Variants in APLP2 observed in about 807,000 individuals in gnomAD.
APLP2 encodes CDEI box-binding protein.
A neutral mutation model predicts 89.9 loss-of-function variants in APLP2; 53 were observed. The ratio of observed to expected loss-of-function variants is 0.59; its 90% CI spans 0.47 to 0.74. The LOEUF (loss-of-function observed/expected upper bound fraction) is 0.74, where lower values mean the gene tolerates loss of function less well. APLP2 is among the 30% of genes least tolerant of loss of function. APLP2 has a pLI of 0.00. For missense variants in APLP2, 973 were observed against 975.9 expected (o/e 1.00, Z 0.04); for synonymous variants, 372 against 348.6 (o/e 1.07, Z -0.75).
intron 1 of APLP2, among the ~76,000 whole-genome samples, chr11:130,099,957 G>A (rs765162184): frequency 2.0e-5 from 3 of 152,198 alleles, no homozygotes; most frequent in African/African-American, 4.8e-5. Context: ...GGCCTGAGCC[G>A]TCGGTATGTT....
At chr11:130,081,982 C>A (rs951327533) in intron 1 of APLP2, among the ~76,000 whole-genome samples, 1 of 152,252 alleles carries the variant, frequency 6.6e-6, no homozygotes, top group East Asian at 1.9e-4. Context: ...TCATTATTAG[C>A]AAACATTTAT....
intron 6 of APLP2, 86 bp downstream of exon 6, chr11:130,122,599 A>G: frequency 6.4e-7 from 1 of 1,565,584 alleles, no homozygotes; most frequent in Non-Finnish European, 8.7e-7. Context: ...CAGGTAAGTC[A>G]GTCACAGAAG....
intron 1 of APLP2, chr11:130,101,262 G>A (rs11221958): frequency 0.1 from 15,379 of 152,344 alleles, 1,181 homozygotes; most frequent in African/African-American, 0.21. Flanking sequence ...TGCAAGCTCC[G>A]CCTCCTGGTG....
chr11:130,123,832 C>CG lies in APLP2; in HGVS notation c.1090+53_1090+54insG. The CG allele has an allele frequency of 6.3e-7, 1 of 1,588,684 alleles. No individual in the cohort carries two copies. Among genetic ancestry groups the CG allele is most frequent in the Non-Finnish European group, 8.6e-7 (1 of 1,164,076 alleles). Reference sequence around the variant, plus strand: ...GCGGCAGCACCGTCCTGTCTGGCGTCCGTCTCCCTGCCGTCTTCGTGGCTG... The same window carrying CG: ...GCGGCAGCACCGTCCTGTCTGGCGTCGCGTCTCCCTGCCGTCTTCGTGGCTG... On this transcript the variant is annotated intron_variant, in intron 7 of 16. Coordinates refer to ENST00000338167, the MANE Select transcript of APLP2 (RefSeq NM_001142276.2). This position sits in a 1 kb window ranked among gnomAD's most constrained non-coding sequence, Gnocchi z 4.0.
intron 13 of APLP2, chr11:130,137,333 C>G: frequency 6.4e-7 from 1 of 1,551,658 alleles, no homozygotes; most frequent in Non-Finnish European, 8.9e-7. Context: ...CTTCATTCCT[C>G]TCCACTCCCT....
At chr11:130,133,125 CTT>C (rs757444184) in intron 11 of APLP2, among the ~76,000 whole-genome samples, 36 of 141,000 alleles carry the variant, frequency 2.6e-4, no homozygotes, top group Middle Eastern at 3.7e-3. Context: ...ATTATACAGT[CTT>C]TTTTTTTTTT....
intron 1 of APLP2, among the ~76,000 whole-genome samples, chr11:130,085,023 T>C (rs1943890356): frequency 6.6e-6 from 1 of 152,180 alleles, no homozygotes; most frequent in Non-Finnish European, 1.5e-5. Flanking sequence ...AGCAGTTGTA[T>C]GCCAAAAAAT....
chr11:130,098,103 A>G (rs1276450266), intron 1 of APLP2, among the ~76,000 whole-genome samples: 1 of 152,148 alleles, frequency 6.6e-6, no homozygotes, highest in East Asian at 1.9e-4. Flanking sequence ...AAATCATCAT[A>G]TATATTAAAA....
chr11:130,123,589 A>G lies in APLP2; in HGVS notation c.923-23A>G, dbSNP rs778749333. On this transcript the variant is annotated intron_variant, in intron 6 of 16. Coordinates refer to ENST00000338167, the MANE Select transcript of APLP2 (RefSeq NM_001142276.2). The surrounding 1 kb of genome is among the most constrained non-coding windows in gnomAD (Gnocchi z 4.0). ...TGACGTCACTGCCTCTGTCCTGCTGACACTCTGACCATTTTCACACAGCTG... is the reference window on the plus strand; with the variant it reads ...TGACGTCACTGCCTCTGTCCTGCTGGCACTCTGACCATTTTCACACAGCTG... 6.2e-7 allele frequency: 1 copy of G among 1,607,078 alleles called. No homozygotes were observed. The highest frequency in any genetic ancestry group is 1.3e-5 in the African/African-American group (1 of 74,762).
rs200921306 is a variant in APLP2, at chr11:130,129,991, T to C, written c.1456-47T>C. The C allele has an allele frequency of 1.5e-4, 243 of 1,591,230 alleles. 1 individual carries two copies. The highest frequency in any genetic ancestry group is 1.5e-3 in the Middle Eastern group (9 of 6,010). On this transcript the variant is annotated intron_variant, in intron 10 of 16. Coordinates refer to ENST00000338167, the MANE Select transcript of APLP2 (RefSeq NM_001142276.2). ...TAAGCTTTTGTTTTCCTGCCTATTT[T>C]CAATTCTCTAGTCTCTGGATATTAA...
intron 1 of APLP2, among the ~76,000 whole-genome samples, chr11:130,095,742 CT>C (rs1334814752): frequency 2.6e-5 from 4 of 152,198 alleles, no homozygotes; most frequent in African/African-American, 9.7e-5. Flanking sequence ...AATTTGTCAA[CT>C]TTTAGTAGGT....
intron 1 of APLP2, among the ~76,000 whole-genome samples, chr11:130,083,223 A>G (rs886704301): frequency 4.0e-5 from 6 of 151,402 alleles, no homozygotes; most frequent in Non-Finnish European, 7.4e-5. Flanking sequence ...TTTTTTGTGG[A>G]GATGGGGACT....
intron 16 of APLP2, 127 bp downstream of exon 16, chr11:130,142,201 T>TC: frequency 9.2e-7 from 1 of 1,081,724 alleles, no homozygotes; most frequent in Non-Finnish European, 1.2e-6. Context: ...GTTCAGTTAC[T>TC]CACTGGATTC....
intron 1 of APLP2, among the ~76,000 whole-genome samples, chr11:130,107,190 G>C (rs1051778163): frequency 2.0e-5 from 3 of 152,132 alleles, no homozygotes; most frequent in Admixed American, 2.0e-4. Context: ...ATTTTCTTTT[G>C]TGGGTAAATT....
chr11:130,140,370 A>C, intron 13 of APLP2, 28 bp from the exon 14 acceptor site: 1 of 1,570,040 alleles, frequency 6.4e-7, no homozygotes, highest in Non-Finnish European at 8.6e-7. Flanking sequence ...CATCCTTGGG[A>C]ACTCAGCCAT....
chr11:130,103,393 C>T (rs550796886), intron 1 of APLP2, among the ~76,000 whole-genome samples: 32 of 151,960 alleles, frequency 2.1e-4, no homozygotes, highest in Non-Finnish European at 7.4e-5. Context: ...GGATTGATTC[C>T]AGTTTCTCTG....
Position 130,069,905 on chromosome 11 carries a change from G to A in APLP2, c.-73G>A. 4 of 1,169,428 alleles carry A rather than the reference G, an allele frequency of 3.4e-6. No individual in the cohort carries two copies. Among genetic ancestry groups the A allele is most frequent in the Non-Finnish European group, 4.8e-6 (4 of 837,712 alleles). 72.4% of individuals were successfully genotyped at this position (1,169,428 alleles called of 1,614,324 possible). A position where few individuals can be genotyped will look rare whatever the true frequency, so the allele number is the denominator to read the frequency against. On this transcript the variant is annotated 5_prime_UTR_variant, in exon 1 of 17. Coordinates refer to ENST00000338167, the MANE Select transcript of APLP2 (RefSeq NM_001142276.2). ...GGCGAACTGGCTTTAGATGCTTCTG[G>A]GTCGCGGTGTGCTAAGCGAGGAGTC...
At chr11:130,079,095 A>G (rs889033219) in intron 1 of APLP2, among the ~76,000 whole-genome samples, 2 of 151,296 alleles carry the variant, frequency 1.3e-5, no homozygotes, top group Non-Finnish European at 2.9e-5. Context: ...TTATTTATTT[A>G]TTTATTTATT....
chr11:130,113,133 C>T (rs1485374357), intron 3 of APLP2, among the ~76,000 whole-genome samples: 1 of 152,200 alleles, frequency 6.6e-6, no homozygotes, highest in Non-Finnish European at 1.5e-5. Flanking sequence ...CTGTGAACAC[C>T]TTGCCAGCAG....
Sources: gnomAD v4.1 joint callset for allele counts (sites outside exome capture counted in the v4.1 genomes callset) on GRCh38, gnomAD v4.1.1 for gene constraint, Gnocchi (gnomAD v3.1) non-coding constraint, MANE v1.5 for transcripts, NCBI Gene and HGNC (gene_info 2026-07-23, HGNC 2026-07-21) for gene names.